Variants in NYAP1 observed in about 807,000 individuals in gnomAD.
NYAP1 encodes the protein neuronal tyrosine-phosphorylated phosphoinositide-3-kinase adapter 1.
NYAP1 carries 20 observed loss-of-function variants against 58.6 expected under a neutral mutation model. The ratio of observed to expected loss-of-function variants is 0.34; its 90% confidence interval spans 0.24 to 0.50. The LOEUF is 0.50. Ranked by LOEUF, NYAP1 falls within the 20% of genes least tolerant of loss-of-function variation. The pLI is 0.98. For synonymous variants in NYAP1, 572 were observed against 523.1 expected, an observed-to-expected ratio of 1.09 and a Z score of -1.27; for missense variants, 1,150 against 1,194.5, an observed-to-expected ratio of 0.96 and a Z score of 0.55.
At chr7:100,484,739 C>G (rs1799682498) in intron 1 of NYAP1, among the ~76,000 whole-genome samples, 1 of 152,050 alleles carries the variant, frequency 6.6e-6, no homozygotes, top group Non-Finnish European at 1.5e-5. Context: ...GTAGGTGTGT[C>G]CAGTTCTGTG....
rs755407329 is a variant in NYAP1 at position 100,488,544 on chromosome 7, G to A, written c.823G>A (p.Gly275Ser). The change falls in exon 4 of 7, where the codon GGC (glycine) becomes AGC (serine). Residue 275 changes from glycine to serine, a missense_variant. By Grantham distance (56) the Gly-to-Ser change is moderately conservative. Coordinates refer to ENST00000300179, the MANE Select transcript of NYAP1 (RefSeq NM_173564.4). This position sits in a 1 kb window ranked among gnomAD's most constrained non-coding sequence, Gnocchi z 5.9. ...CCCGCTGCCGGAAGAGGCTGGGGAA[G>A]GCCGGGCCAATGGCCCTCCACCATT... ...KYPLPEEAGE[G>S]RANGPPPLTA... 5 of 1,612,262 alleles carry A rather than the reference G, an allele frequency of 3.1e-6. No homozygotes were observed. The highest frequency in any genetic ancestry group is 4.2e-6 in the Non-Finnish European group (5 of 1,179,796).
chr7:100,493,600 C>T, intron 6 of NYAP1, 46 bp from the exon 7 acceptor site: 1 of 1,505,388 alleles, frequency 6.6e-7, no homozygotes, highest in Non-Finnish European at 8.9e-7. Flanking sequence ...ATGCTGAGGT[C>T]CCCGACCTTA....
At position 100,485,935 on chromosome 7, in the gene NYAP1, C is replaced by T. The variant is rs1434575516; in HGVS notation, c.68+556C>T. Among the ~76,000 whole-genome samples the T allele has an allele frequency of 6.6e-6, 1 of 152,290 alleles. No individual in the cohort carries two copies. The highest frequency in any genetic ancestry group is 1.9e-4 in the East Asian group (1 of 5,170). ...ATCCCTGTCTGCCTCCCCGCTTGCC[C>T]TTCCAGGGACCTGGGGCCTGGCCTC... On this transcript the variant is annotated intron_variant, in intron 2 of 6. Transcript: ENST00000300179. The surrounding 1 kb of genome is among the most constrained non-coding windows in gnomAD (Gnocchi z 5.7).
In NYAP1 at chr7:100,487,234, T is replaced by TGGG; in HGVS notation, c.430+52_430+53insGGG. 6.9e-7 allele frequency: 1 copy of TGGG among 1,454,722 alleles called. No individual in the cohort carries two copies. The highest frequency in any genetic ancestry group is 9.1e-7 in the Non-Finnish European group (1 of 1,102,456). 90.1% of individuals were successfully genotyped at this position (1,454,722 alleles called of 1,614,324 possible). A position where few individuals can be genotyped will look rare whatever the true frequency, so the allele number is the denominator to read the frequency against. On this transcript the variant is annotated intron_variant, in intron 3 of 6. Coordinates refer to ENST00000300179, the MANE Select transcript of NYAP1 (RefSeq NM_173564.4). The surrounding 1 kb of genome is among the most constrained non-coding windows in gnomAD (Gnocchi z 4.1). The stretch of plus-strand genomic sequence containing the variant: ...GGTGGAGCTGGGAGCTGGGAGGATC[T>TGGG]ATTCCACGCCCGGGGAGGCTTGCCG...
rs780264131 is a variant in NYAP1 at position 100,492,238 on chromosome 7, C to CA, written c.2268+1156dup. Reference sequence around the variant, plus strand: ...TGGGCGACAGAGTTAGACTCTGTCTCAAAAAAAAAAAAAGGGGCCAGGCAG... The same window carrying CA: ...TGGGCGACAGAGTTAGACTCTGTCTCAAAAAAAAAAAAAAGGGGCCAGGCAG... On this transcript the variant is annotated intron_variant, in intron 6 of 6. Transcript: ENST00000300179. Among the ~76,000 whole-genome samples, 678 of 115,552 alleles carry CA rather than the reference C, an allele frequency of 5.9e-3. 3 individuals carry two copies. The highest frequency in any genetic ancestry group is 8.1e-3 in the East Asian group (31 of 3,832). 75.8% of individuals were successfully genotyped at this position (115,552 alleles called of 152,430 possible).
Position 100,487,252 on chromosome 7 carries a change from G to C in NYAP1, c.430+70G>C, listed in dbSNP as rs541202359. On this transcript the variant is annotated intron_variant, in intron 3 of 6. Coordinates refer to ENST00000300179, the MANE Select transcript of NYAP1 (RefSeq NM_173564.4). This position sits in a 1 kb window ranked among gnomAD's most constrained non-coding sequence, Gnocchi z 4.1. ...GAGGATCTATTCCACGCCCGGGGAGGCTTGCCGGGAGGGTTCATTCAGGGA... is the reference window on the plus strand; with the variant it reads ...GAGGATCTATTCCACGCCCGGGGAGCCTTGCCGGGAGGGTTCATTCAGGGA... The C allele has an allele frequency of 2.4e-5, 34 of 1,421,348 alleles. 1 individual carries two copies. The Admixed American group carries it at 7.3e-4, about 31-fold the overall frequency. The allele number at this position is 1,421,348 out of a possible 1,614,324, so 88.0% of individuals were successfully genotyped here. A position where few individuals can be genotyped will look rare whatever the true frequency, so the allele number is the denominator to read the frequency against.
Position 100,485,463 on chromosome 7 carries a change from G to T in NYAP1, c.68+84G>T. On this transcript the variant is annotated intron_variant, in intron 2 of 6. Coordinates refer to ENST00000300179, the MANE Select transcript of NYAP1 (RefSeq NM_173564.4). This position sits in a 1 kb window ranked among gnomAD's most constrained non-coding sequence, Gnocchi z 5.7. The stretch of plus-strand genomic sequence containing the variant: ...GGGCCACAGCCCTTCTCGGGGGCCG[G>T]CAGCCTTGTCATGAGTGAGCTCTCT... The T allele has an allele frequency of 9.2e-7, 1 of 1,086,406 alleles. No individual in the cohort carries two copies. The allele number at this position is 1,086,406 out of a possible 1,614,324, so 67.3% of individuals were successfully genotyped here. A position where few individuals can be genotyped will look rare whatever the true frequency, so the allele number is the denominator to read the frequency against.
rs148833575 is a variant in NYAP1 at position 100,493,683 on chromosome 7, C to T, written c.2306C>T (p.Pro769Leu). The T allele has an allele frequency of 2.3e-3, 3,702 of 1,589,882 alleles. 6 individuals are homozygous for T. The highest frequency in any genetic ancestry group is 2.8e-3 in the Non-Finnish European group (3,252 of 1,172,752). ...PALPLPLPLP[P>L]QPARERDGKL... Reference sequence around the variant, plus strand: ...CTGCCGCTGCCTCTGCCCCTGCCGCCCCAGCCGGCCCGCGAGCGTGACGGG... The same window carrying T: ...CTGCCGCTGCCTCTGCCCCTGCCGCTCCAGCCGGCCCGCGAGCGTGACGGG... Residue 769 changes from proline to leucine, a missense_variant, in exon 7 of 7, where the codon CCC becomes CTC. By Grantham distance (98) the Pro-to-Leu change is moderately conservative. Transcript: ENST00000300179.
chr7:100,487,081 G>A lies in NYAP1; in HGVS notation c.329G>A (p.Ser110Asn). 1 of 1,596,408 alleles carries A rather than the reference G, an allele frequency of 6.3e-7. No individual in the cohort carries two copies. The highest frequency in any genetic ancestry group is 2.3e-5 in the East Asian group (1 of 44,052). ...GASGGLTEDSSTRRPPAKPRR... is the reference protein window; with the variant it reads ...GASGGLTEDSNTRRPPAKPRR... ...AGTGGGGGCCTCACAGAGGACAGCA[G>A]CACCCGAAGACCCCCTGCCAAGCCC... Residue 110 changes from serine to asparagine, a missense_variant, in exon 3 of 7, where the codon AGC (serine) becomes AAC (asparagine). Ser to Asn is a conservative substitution (Grantham distance 46). Transcript: ENST00000300179. The surrounding 1 kb of genome is among the most constrained non-coding windows in gnomAD (Gnocchi z 4.1).
In NYAP1 at chr7:100,487,009, A is replaced by T; in HGVS notation, c.257A>T (p.His86Leu). Residue 86 changes from histidine to leucine, a missense_variant, in exon 3 of 7, where the codon CAC becomes CTC. By Grantham distance (99) the His-to-Leu change is moderately conservative. Coordinates refer to ENST00000300179, the MANE Select transcript of NYAP1 (RefSeq NM_173564.4). This position sits in a 1 kb window ranked among gnomAD's most constrained non-coding sequence, Gnocchi z 4.1. ...SAMAPRSLSCHSVGSMDSVGG... is the reference protein window; with the variant it reads ...SAMAPRSLSCLSVGSMDSVGG... ...ATGGCCCCACGCTCCCTCTCCTGCC[A>T]CTCGGTGGGCAGCATGGACAGTGTC... 6.2e-7 allele frequency: 1 copy of T among 1,607,402 alleles called. No homozygotes were observed. Among genetic ancestry groups the T allele is most frequent in the Non-Finnish European group, 8.5e-7 (1 of 1,177,220 alleles).
In NYAP1 at chr7:100,485,264, TG is replaced by T; in HGVS notation, c.-46del. 9.1e-7 allele frequency: 1 copy of T among 1,102,024 alleles called. No homozygotes were observed. Among genetic ancestry groups the T allele is most frequent in the Non-Finnish European group, 1.3e-6 (1 of 766,942 alleles). The allele number at this position is 1,102,024 out of a possible 1,614,324, so 68.3% of individuals were successfully genotyped here. A position where few individuals can be genotyped will look rare whatever the true frequency, so the allele number is the denominator to read the frequency against. Reference sequence around the variant, plus strand: ...CCCAGGGAGGGCCGCCCCCCGGGCCTGGTGGCACTGAGCAGGGCCCCCCAGC... The same window carrying T: ...CCCAGGGAGGGCCGCCCCCCGGGCCTGTGGCACTGAGCAGGGCCCCCCAGC... On this transcript the variant is annotated 5_prime_UTR_variant, in exon 2 of 7. It introduces an in-frame stop codon into an upstream open reading frame of the 5' UTR. Transcript: ENST00000300179. This position sits in a 1 kb window ranked among gnomAD's most constrained non-coding sequence, Gnocchi z 5.7.
At chr7:100,491,539 T>C (rs1416928198) in intron 6 of NYAP1, among the ~76,000 whole-genome samples, 5 of 151,366 alleles carry the variant, frequency 3.3e-5, no homozygotes, top group Admixed American at 1.3e-4. Flanking sequence ...GGAGGTTGCA[T>C]TGAGCCATGA....
At position 100,489,428 on chromosome 7, in the gene NYAP1, T is replaced by G. The variant is rs1161323501; in HGVS notation, c.1707T>G (p.Ala569=). Residue 569 remains alanine (A), a synonymous_variant, in exon 4 of 7, where the codon GCT becomes GCG. Coordinates refer to ENST00000300179, the MANE Select transcript of NYAP1 (RefSeq NM_173564.4). ...KRPPAYESLK[A]GGVLNKGCGV... is the part of the protein sequence containing the mutation. ...CCCCTGCCTATGAGAGCCTCAAGGCTGGGGGGGTGCTGAATAAGGGCTGTG... is the reference window on the plus strand; with the variant it reads ...CCCCTGCCTATGAGAGCCTCAAGGCGGGGGGGGTGCTGAATAAGGGCTGTG... 3 of 1,612,450 alleles carry G rather than the reference T, an allele frequency of 1.9e-6. No individual in the cohort carries two copies. In the East Asian group the frequency reaches 6.7e-5, roughly 36 times the overall value.
intron 1 of NYAP1, among the ~76,000 whole-genome samples, chr7:100,484,816 C>T (rs1010669960): frequency 1.3e-5 from 2 of 152,050 alleles, no homozygotes; most frequent in East Asian, 3.9e-4. Context: ...GTGTGCCTGT[C>T]TATCCCTAGG....
Position 100,493,501 on chromosome 7 carries a change from A to G in NYAP1, c.2269-145A>G, listed in dbSNP as rs1584362087. 72 of 754,698 alleles carry G rather than the reference A, an allele frequency of 9.5e-5. No individual in the cohort carries two copies. In the East Asian group the frequency reaches 2.1e-3, roughly 22 times the overall value. 46.8% of individuals were successfully genotyped at this position (754,698 alleles called of 1,614,324 possible). A position where few individuals can be genotyped will look rare whatever the true frequency, so the allele number is the denominator to read the frequency against. On this transcript the variant is annotated intron_variant, in intron 6 of 6. Transcript: ENST00000300179. ...TTTGGCCCCCATGGGCCCCACAGCCAGAGGGAGCCAGCAGAGGCCGTTGGG... is the reference window on the plus strand; with the variant it reads ...TTTGGCCCCCATGGGCCCCACAGCCGGAGGGAGCCAGCAGAGGCCGTTGGG...
rs993970541 is a variant in NYAP1 at position 100,490,833 on chromosome 7, C to T, written c.2158+104C>T. On this transcript the variant is annotated intron_variant, in intron 5 of 6. Coordinates refer to ENST00000300179, the MANE Select transcript of NYAP1 (RefSeq NM_173564.4). This position sits in a 1 kb window ranked among gnomAD's most constrained non-coding sequence, Gnocchi z 4.6. ...TTCCTCTCACCTGTTCACGTCTGTGCCCAGGGCCCTAAATCCTCATACCAC... is the reference window on the plus strand; with the variant it reads ...TTCCTCTCACCTGTTCACGTCTGTGTCCAGGGCCCTAAATCCTCATACCAC... 3 of 1,177,638 alleles carry T rather than the reference C, an allele frequency of 2.5e-6. No individual in the cohort carries two copies. The African/African-American group carries it at 4.6e-5, about 18-fold the overall frequency. The allele number at this position is 1,177,638 out of a possible 1,614,324, so 72.9% of individuals were successfully genotyped here.
chr7:100,486,605 C>T lies in NYAP1; in HGVS notation c.69-216C>T, dbSNP rs1799706282. 6.6e-6 allele frequency among the ~76,000 whole-genome samples: 1 copy of T among 152,168 alleles called. No homozygotes were observed. Among genetic ancestry groups the T allele is most frequent in the African/African-American group, 2.4e-5 (1 of 41,440 alleles). On this transcript the variant is annotated intron_variant, in intron 2 of 6. Transcript: ENST00000300179. The surrounding 1 kb of genome is among the most constrained non-coding windows in gnomAD (Gnocchi z 6.2). Reference sequence around the variant, plus strand: ...CTGCAGGCATACTCACCCCTCTTCTCATCCCTGCCCCCAACTGCCTTGTGT... The same window carrying T: ...CTGCAGGCATACTCACCCCTCTTCTTATCCCTGCCCCCAACTGCCTTGTGT...
At chr7:100,491,476 A>T (rs1162673431) in intron 6 of NYAP1, among the ~76,000 whole-genome samples, 1 of 152,030 alleles carries the variant, frequency 6.6e-6, no homozygotes, top group Non-Finnish European at 1.5e-5. Flanking sequence ...GCAAGCCTGA[A>T]TTCCCAGCTA....
At chr7:100,492,196 GC>G (rs1192083027) in intron 6 of NYAP1, among the ~76,000 whole-genome samples, 1 of 151,400 alleles carries the variant, frequency 6.6e-6, no homozygotes, top group African/African-American at 2.4e-5. Context: ...CCAAGATCAT[GC>G]CACTGCACTC....
Sources: allele counts gnomAD v4.1 joint callset (sites outside exome capture counted in the v4.1 genomes callset), GRCh38; gene constraint gnomAD v4.1.1; non-coding constraint Gnocchi (gnomAD v3.1); transcripts MANE v1.5; gene names NCBI Gene and HGNC (gene_info 2026-07-23, HGNC 2026-07-21).